MCUB: variants seen among roughly 807,000 people sequenced by gnomAD.
MCUB encodes calcium uniporter regulatory subunit MCUb, mitochondrial.
Under a neutral mutation model 41.4 loss-of-function variants are expected in MCUB, and 46 were observed. That is an observed-to-expected ratio of 1.11 (90% CI 0.88 to 1.42). The LOEUF (loss-of-function observed/expected upper bound fraction) is 1.42. Ranked by LOEUF, MCUB falls within the 40% of genes most tolerant of loss-of-function variation. The pLI is 0.00. For missense variants in MCUB, 403 were observed against 404.9 expected, an observed-to-expected ratio of 1.00 and a Z score of 0.04; for synonymous variants, 148 against 148.2, an observed-to-expected ratio of 1.00 and a Z score of 0.01.
chr4:109,684,997 T>A (rs1242262784), intron 6 of MCUB: 8 of 396,890 alleles, frequency 2.0e-5, no homozygotes, highest in Non-Finnish European at 3.6e-5. Context: ...CTCCCTTTTC[T>A]TATTTCTTCC....
rs920256761 is a variant in MCUB at position 109,642,145 on chromosome 4, A to G, written c.100-16866A>G. ...ATGATTTTGAAGATCTTTAGTGGTG[A>G]TAAGAATTTATCTTTTCAAGGGGAT... is the stretch of plus-strand genomic sequence containing the variant. On this transcript the variant is annotated intron_variant, in intron 1 of 7. Coordinates refer to ENST00000394650, the MANE Select transcript of MCUB (RefSeq NM_017918.5). 2.6e-5 allele frequency among the ~76,000 whole-genome samples: 4 copies of G among 152,272 alleles called. No homozygotes were observed. The East Asian group carries it at 7.7e-4, about 29-fold the overall frequency.
At chr4:109,684,782 GT>G in intron 6 of MCUB, 136 bp downstream of exon 6, 1 of 578,662 alleles carries the variant, frequency 1.7e-6, no homozygotes, top group South Asian at 2.3e-5. Context: ...ATTTTTTATT[GT>G]TTTTCACAAG....
At chr4:109,625,738 G>A (rs1728346162) in intron 1 of MCUB, among the ~76,000 whole-genome samples, 2 of 152,272 alleles carry the variant, frequency 1.3e-5, no homozygotes, top group South Asian at 4.2e-4. Flanking sequence ...AGAGTCTAGT[G>A]CATTATATAG....
chr4:109,647,419 A>G (rs1728863006), intron 1 of MCUB, among the ~76,000 whole-genome samples: 1 of 152,200 alleles, frequency 6.6e-6, no homozygotes. Context: ...AATGTCATGT[A>G]GTCGGAATCA....
chr4:109,664,269 T>C (rs1729294259), intron 3 of MCUB, 21 bp from the exon 4 acceptor site: 3 of 1,119,666 alleles, frequency 2.7e-6, no homozygotes, highest in East Asian at 2.3e-5. Flanking sequence ...GACATGCTCA[T>C]GCATGATGTT....
chr4:109,665,550 T>C (rs907123417), intron 4 of MCUB, among the ~76,000 whole-genome samples: 2 of 152,188 alleles, frequency 1.3e-5, no homozygotes, highest in Non-Finnish European at 2.9e-5. Context: ...TTGTTATATT[T>C]GCATTTAACC....
chr4:109,661,168 A>T (rs1283173085), intron 3 of MCUB, among the ~76,000 whole-genome samples: 1 of 152,248 alleles, frequency 6.6e-6, no homozygotes, highest in Non-Finnish European at 1.5e-5. Flanking sequence ...TCACTTAGAC[A>T]TTTAAAATTT....
intron 1 of MCUB, among the ~76,000 whole-genome samples, chr4:109,649,339 G>A (rs999016498): frequency 6.6e-6 from 1 of 151,820 alleles, no homozygotes; most frequent in Non-Finnish European, 1.5e-5. Context: ...ATCTCTATTG[G>A]TTTGGAAGTA....
At chr4:109,650,441 T>C (rs1216440082) in intron 1 of MCUB, among the ~76,000 whole-genome samples, 2 of 152,228 alleles carry the variant, frequency 1.3e-5, no homozygotes, top group Non-Finnish European at 2.9e-5. Flanking sequence ...TATATGGTAA[T>C]TTTGGTGTTG....
chr4:109,668,416 G>T (rs1228930648), intron 4 of MCUB, among the ~76,000 whole-genome samples: 1 of 151,932 alleles, frequency 6.6e-6, no homozygotes, highest in Admixed American at 6.6e-5. Flanking sequence ...AGCTTTCCTT[G>T]CTCTAATGTC....
At chr4:109,653,573 C>T (rs1729011707) in intron 1 of MCUB, among the ~76,000 whole-genome samples, 1 of 151,908 alleles carries the variant, frequency 6.6e-6, no homozygotes, top group African/African-American at 2.4e-5. Flanking sequence ...AGAATTTAGG[C>T]TATTAAGGTG....
At chr4:109,598,488 CG>C (rs1727640549) in intron 1 of MCUB, among the ~76,000 whole-genome samples, 1 of 151,708 alleles carries the variant, frequency 6.6e-6, no homozygotes, top group Admixed American at 6.6e-5. Flanking sequence ...CGCAGGCACT[CG>C]GCAGGCTGAG....
In MCUB at chr4:109,659,026, C is replaced by A; in HGVS notation, c.115C>A (p.Leu39Met). Residue 39 changes from leucine to methionine, a missense_variant, in exon 2 of 8, where the codon CTG becomes ATG. Transcript: ENST00000394650. Reference protein sequence around the residue: ...PPPPQVLRVKLCGNVKYYQSH... With the variant: ...PPPPQVLRVKMCGNVKYYQSH... ...CTTCTTGTAGGTTTTGCGTGTGAAG[C>A]TGTGTGGAAATGTGAAATACTACCA... 6.5e-7 allele frequency: 1 copy of A among 1,538,486 alleles called. No homozygotes were observed. Among genetic ancestry groups the A allele is most frequent in the Non-Finnish European group, 8.8e-7 (1 of 1,135,106 alleles).
At chr4:109,642,929 A>T (rs1728752138) in intron 1 of MCUB, among the ~76,000 whole-genome samples, 1 of 122,952 alleles carries the variant, frequency 8.1e-6, no homozygotes, top group South Asian at 2.4e-4. Flanking sequence ...GGAGTCTTGC[A>T]CCATCACCCG....
At position 109,560,283 on chromosome 4, in the gene MCUB, C is replaced by G; in HGVS notation, c.-55C>G. 2.2e-6 allele frequency: 2 copies of G among 917,736 alleles called. No homozygotes were observed. The highest frequency in any genetic ancestry group is 2.9e-6 in the Non-Finnish European group (2 of 699,776). 56.8% of individuals were successfully genotyped at this position (917,736 alleles called of 1,614,324 possible). Reference sequence around the variant, plus strand: ...CACCAGGCGCTGACGAGGAGCCCGGCTGAGGGAGGATGCGCCGCTGACGCC... The same window carrying G: ...CACCAGGCGCTGACGAGGAGCCCGGGTGAGGGAGGATGCGCCGCTGACGCC... On this transcript the variant is annotated 5_prime_UTR_variant, in exon 1 of 8. Transcript: ENST00000394650.
intron 1 of MCUB, among the ~76,000 whole-genome samples, chr4:109,610,643 T>A (rs1476545): frequency 0.69 from 105,402 of 151,992 alleles, 36,724 homozygotes; most frequent in South Asian, 0.74. Flanking sequence ...GTCACGCGTC[T>A]TTTAACGGCA....
intron 1 of MCUB, among the ~76,000 whole-genome samples, chr4:109,651,246 C>T (rs754665168): frequency 6.6e-6 from 1 of 152,144 alleles, no homozygotes; most frequent in Non-Finnish European, 1.5e-5. Context: ...AAAAATTGTT[C>T]CAGATTTTAC....
rs550053528 is a variant in MCUB, at chr4:109,600,931, A to C, written c.99+40495A>C. On this transcript the variant is annotated intron_variant, in intron 1 of 7. Transcript: ENST00000394650. The stretch of plus-strand genomic sequence containing the variant: ...TGCCATAGCCTCCCGAATGGCTAGG[A>C]CTACAAGTGCCCACCACCAAGCCCA... Among the ~76,000 whole-genome samples, 3 of 152,158 alleles carry C rather than the reference A, an allele frequency of 2.0e-5. No individual in the cohort carries two copies. In the East Asian group the frequency reaches 5.8e-4, roughly 29 times the overall value.
chr4:109,668,728 ATTT>A (rs1467264587), intron 4 of MCUB, among the ~76,000 whole-genome samples: 3 of 146,966 alleles, frequency 2.0e-5, no homozygotes, highest in African/African-American at 7.5e-5. Context: ...TGTCTTCCAC[ATTT>A]TTTCTGCCTT....
Sources: allele counts gnomAD v4.1 joint callset (sites outside exome capture counted in the v4.1 genomes callset), GRCh38; gene constraint gnomAD v4.1.1; transcripts MANE v1.5; gene names NCBI Gene and HGNC (gene_info 2026-07-23, HGNC 2026-07-21).